The following RGS6 variants were observed in gnomAD, a reference collection of about 807,000 sequenced individuals.
The protein encoded by RGS6 is regulator of G-protein signaling 6.
RGS6 carries 30 observed loss-of-function variants against 78.5 expected under a neutral mutation model. The ratio of observed to expected loss-of-function variants is 0.38; its 90% CI spans 0.29 to 0.52. RGS6 has a LOEUF of 0.52. Among genes scored for constraint, RGS6 ranks in the 20% least tolerant of loss-of-function variants. The probability of loss-of-function intolerance (pLI) is 0.85; values close to 1 mark genes in which losing one functional copy is unlikely to be tolerated. For missense variants in RGS6, 495 were observed against 609.7 expected, an observed-to-expected ratio of 0.81 and a Z score of 1.98; for synonymous variants, 206 against 206.0, an observed-to-expected ratio of 1.00 and a Z score of 0.00.
chr14:72,006,511 A>C (rs1219131139), intron 2 of RGS6, among the ~76,000 whole-genome samples: 1 of 152,196 alleles, frequency 6.6e-6, no homozygotes, highest in East Asian at 1.9e-4. Context: ...GTATGCAGAG[A>C]GGCTCATGTG....
intron 2 of RGS6, among the ~76,000 whole-genome samples, chr14:72,342,528 C>G (rs192764828): frequency 3.4e-5 from 5 of 148,680 alleles, no homozygotes; most frequent in Non-Finnish European, 7.4e-5. Context: ...CCACTGTACT[C>G]TAGCCTGGGT....
At chr14:71,953,994 A>T (rs1346228958) in intron 1 of RGS6, among the ~76,000 whole-genome samples, 3 of 22,180 alleles carry the variant, frequency 1.4e-4, no homozygotes, top group African/African-American at 2.3e-4. Context: ...TTTTTCCTTC[A>T]ACATTTTAAG....
intron 1 of RGS6, among the ~76,000 whole-genome samples, chr14:71,935,849 A>G (rs2089058954): frequency 6.6e-6 from 1 of 151,468 alleles, no homozygotes. Context: ...AAACACAGAA[A>G]CACCTGGGGG....
chr14:71,873,040 A>G, the RGS6 span, among the ~76,000 whole-genome samples: 1 of 152,128 alleles, frequency 6.6e-6, no homozygotes, highest in African/African-American at 2.4e-5. Context: ...CTAGTCTATC[A>G]TTGATGGACA....
intron 17 of RGS6, among the ~76,000 whole-genome samples, chr14:72,544,685 A>G (rs2097369018): frequency 6.6e-6 from 1 of 152,216 alleles, no homozygotes; most frequent in Non-Finnish European, 1.5e-5. Context: ...CAAGGAATGC[A>G]GCAGGCAAGT....
intron 2 of RGS6, among the ~76,000 whole-genome samples, chr14:72,033,257 G>A (rs1329498146): frequency 6.6e-6 from 1 of 152,108 alleles, no homozygotes; most frequent in South Asian, 2.1e-4. Flanking sequence ...ATCATGACAA[G>A]GTCTCTCACT....
chr14:72,233,738 A>G (rs1156577056), intron 2 of RGS6, among the ~76,000 whole-genome samples: 1 of 152,156 alleles, frequency 6.6e-6, no homozygotes, highest in Admixed American at 6.5e-5. Flanking sequence ...TAGCTAGAAG[A>G]GAGAGGGTTG....
chr14:72,608,590 C>G, the RGS6 span, among the ~76,000 whole-genome samples: 3 of 152,286 alleles, frequency 2.0e-5, no homozygotes, highest in African/African-American at 7.2e-5. Context: ...CCTCCCTTCT[C>G]CTAGAAAATC....
the RGS6 span, among the ~76,000 whole-genome samples, chr14:71,901,311 A>C: frequency 3.8e-3 from 572 of 152,348 alleles, 6 homozygotes; most frequent in African/African-American, 0.013. Flanking sequence ...GTTCTACCAC[A>C]AACCAGTTGT....
chr14:72,227,940 G>C (rs1301687324), intron 2 of RGS6, among the ~76,000 whole-genome samples: 2 of 152,152 alleles, frequency 1.3e-5, no homozygotes, highest in East Asian at 3.9e-4. Flanking sequence ...AATGTCCTGG[G>C]ATTGGAGAAC....
intron 8 of RGS6, among the ~76,000 whole-genome samples, chr14:72,472,359 G>C (rs1004333779): frequency 6.6e-6 from 1 of 152,130 alleles, no homozygotes; most frequent in Admixed American, 6.5e-5. Context: ...TAGAAAGCCA[G>C]ATGGTGTAAG....
the RGS6 span, among the ~76,000 whole-genome samples, chr14:72,600,662 G>A: frequency 6.6e-6 from 1 of 152,004 alleles, no homozygotes; most frequent in African/African-American, 2.4e-5. Context: ...GGCTACCCAG[G>A]GATCTTGTCC....
In RGS6 at chr14:72,562,977, T is replaced by C. The variant is rs1399585917; in HGVS notation, c.*510T>C. 1 of 593,246 alleles carries C rather than the reference T, an allele frequency of 1.7e-6. No individual in the cohort carries two copies. The highest frequency in any genetic ancestry group is 3.0e-6 in the Non-Finnish European group (1 of 330,146). The allele number at this position is 593,246 out of a possible 1,614,324, so 36.7% of individuals were successfully genotyped here. On this transcript the variant is annotated 3_prime_UTR_variant, in exon 18 of 18. Transcript: ENST00000553525. ...ACCGCCGCCTGTCATCCCTCACGTC[T>C]CTGTGGCCACCCGGGTGTCACTGCC... is the stretch of plus-strand genomic sequence containing the variant.
At chr14:71,890,358 C>CAGACAGAGAG in the RGS6 span, among the ~76,000 whole-genome samples, 2,258 of 133,030 alleles carry the variant, frequency 0.017, 50 homozygotes, top group South Asian at 0.058. Context: ...GTGCATAAGA[C>CAGACAGAGAG]AGAGAGAGAG....
chr14:72,055,969 A>G (rs1425375127), intron 2 of RGS6, among the ~76,000 whole-genome samples: 4 of 152,188 alleles, frequency 2.6e-5, no homozygotes, highest in African/African-American at 4.8e-5. Context: ...TTTTTTTCTT[A>G]TAACTGTGGA....
At chr14:71,892,290 A>G in the RGS6 span, among the ~76,000 whole-genome samples, 1 of 152,264 alleles carries the variant, frequency 6.6e-6, no homozygotes, top group Non-Finnish European at 1.5e-5. Context: ...AACATTTTCA[A>G]GCAATTAGCC....
At chr14:72,136,558 G>A (rs148785810) in intron 2 of RGS6, among the ~76,000 whole-genome samples, 5 of 151,998 alleles carry the variant, frequency 3.3e-5, no homozygotes, top group South Asian at 2.1e-4. Context: ...TTATAAAACC[G>A]TAAGATTTCA....
intron 2 of RGS6, among the ~76,000 whole-genome samples, chr14:72,101,142 C>T (rs1284629084): frequency 6.6e-6 from 1 of 152,200 alleles, no homozygotes; most frequent in Non-Finnish European, 1.5e-5. Flanking sequence ...TATGCTACTG[C>T]ACTCTAACTT....
intron 2 of RGS6, among the ~76,000 whole-genome samples, chr14:72,055,742 G>GC (rs1379001603): frequency 6.6e-6 from 1 of 152,222 alleles, no homozygotes; most frequent in African/African-American, 2.4e-5. Context: ...TGACAAGCAA[G>GC]CATAAGCTCA....
Sources: allele counts gnomAD v4.1 joint callset (sites outside exome capture counted in the v4.1 genomes callset), GRCh38; gene constraint gnomAD v4.1.1; transcripts MANE v1.5; gene names NCBI Gene and HGNC (gene_info 2026-07-23, HGNC 2026-07-21).